CXXC5: variants seen among roughly 807,000 people sequenced by gnomAD.
CXXC5 encodes the protein CXXC finger protein 5, also known as CXXC-type zinc finger protein 5.
CXXC5 carries 2 observed loss-of-function variants against 17.6 expected under a neutral mutation model. The ratio of observed to expected loss-of-function variants is 0.11; its 90% CI spans 0.05 to 0.36. The LOEUF (loss-of-function observed/expected upper bound fraction) is 0.36. Ranked by LOEUF, CXXC5 falls within the 10% of genes least tolerant of loss-of-function variation. The probability of loss-of-function intolerance (pLI) is 1.00; values close to 1 mark genes in which losing one functional copy is unlikely to be tolerated. For synonymous variants in CXXC5, 171 were observed against 193.0 expected (o/e 0.89, Z 0.94); for missense variants, 343 against 458.3 (o/e 0.75, Z 2.30).
At chr5:139,664,022 T>C (rs1217141594) in intron 1 of CXXC5, among the ~76,000 whole-genome samples, 1 of 152,166 alleles carries the variant, frequency 6.6e-6, no homozygotes, top group Non-Finnish European at 1.5e-5. Flanking sequence ...GGGGCTCCCC[T>C]CGCCCCATTA....
At position 139,683,178 on chromosome 5, in the gene CXXC5, G is replaced by A. The variant is rs759810400; in HGVS notation, c.*271G>A. ...GGTAAAGACGAATCTATAAAGTACCGAGACTTCCTGGGCAAAGAATGGACA... is the reference window on the plus strand; with the variant it reads ...GGTAAAGACGAATCTATAAAGTACCAAGACTTCCTGGGCAAAGAATGGACA... On this transcript the variant is annotated 3_prime_UTR_variant, in exon 3 of 3. Coordinates refer to ENST00000302517, the MANE Select transcript of CXXC5 (RefSeq NM_016463.9). 3.1e-5 allele frequency: 10 copies of A among 323,332 alleles called. No homozygotes were observed. Among genetic ancestry groups the A allele is most frequent in the East Asian group, 5.0e-5 (1 of 19,966 alleles). The allele number at this position is 323,332 out of a possible 1,614,324, so 20.0% of individuals were successfully genotyped here.
chr5:139,681,312 C>T lies in CXXC5; in HGVS notation c.789C>T (p.Cys263=), dbSNP rs765017700. Reference sequence around the variant, plus strand: ...CCGGCAAGAAGAAGCGGAAACGCTGCGGCATGTGCGCGCCCTGCCGGCGGC... The same window carrying T: ...CCGGCAAGAAGAAGCGGAAACGCTGTGGCATGTGCGCGCCCTGCCGGCGGC... The part of the protein sequence containing the change: ...ISSGKKKRKR[C]GMCAPCRRRI... The change falls in exon 2 of 3, where the codon TGC becomes TGT. Residue 263 remains cysteine, a synonymous_variant. Transcript: ENST00000302517. 14 of 1,612,656 alleles carry T rather than the reference C, an allele frequency of 8.7e-6. No homozygotes were observed. The East Asian group carries it at 8.9e-5, about 10-fold the overall frequency.
At chr5:139,655,050 T>C (rs1241815083) in intron 1 of CXXC5, among the ~76,000 whole-genome samples, 1 of 152,136 alleles carries the variant, frequency 6.6e-6, no homozygotes, top group Non-Finnish European at 1.5e-5. Context: ...GGAGGTGCCG[T>C]GGCAGCGGCT....
At chr5:139,682,109 G>GCTA (rs1757269656) in intron 2 of CXXC5, among the ~76,000 whole-genome samples, 1 of 152,162 alleles carries the variant, frequency 6.6e-6, no homozygotes, top group Non-Finnish European at 1.5e-5. Context: ...TTCCCATGCT[G>GCTA]CTATCTCTGC....
rs142225391 is a variant in CXXC5 at position 139,682,548 on chromosome 5, G to A, written c.925-315G>A. ...GCACACCCGTCGCACGTGCTCACACGCTCATTTACAGAAACATGCCACAGC... is the reference window on the plus strand; with the variant it reads ...GCACACCCGTCGCACGTGCTCACACACTCATTTACAGAAACATGCCACAGC... On this transcript the variant is annotated intron_variant, in intron 2 of 2. Coordinates refer to ENST00000302517, the MANE Select transcript of CXXC5 (RefSeq NM_016463.9). 5.6e-3 allele frequency among the ~76,000 whole-genome samples: 849 copies of A among 152,282 alleles called. 5 individuals carry two copies. The highest frequency in any genetic ancestry group is 0.027 in the Middle Eastern group (8 of 294).
chr5:139,678,686 G>C (rs1026679965), intron 1 of CXXC5, among the ~76,000 whole-genome samples: 9 of 152,314 alleles, frequency 5.9e-5, no homozygotes, highest in Non-Finnish European at 1.2e-4. Flanking sequence ...CAGAGGGTTG[G>C]ACTAGATGCT....
Position 139,663,706 on chromosome 5 carries a change from A to C in CXXC5, c.-161+14861A>C, listed in dbSNP as rs1237200933. Among the ~76,000 whole-genome samples, 1 of 152,180 alleles carries C rather than the reference A, an allele frequency of 6.6e-6. No individual in the cohort carries two copies. Among genetic ancestry groups the C allele is most frequent in the East Asian group, 1.9e-4 (1 of 5,196 alleles). ...TGGGTTACCCAACACGCCTGGCCTG[A>C]CTTGTCCGTGACGTTCACACTTATG... is the stretch of plus-strand genomic sequence containing the variant. On this transcript the variant is annotated intron_variant, in intron 1 of 2. Transcript: ENST00000302517. This position sits in a 1 kb window ranked among gnomAD's most constrained non-coding sequence, Gnocchi z 4.2.
At chr5:139,656,643 C>G (rs1349567159) in intron 1 of CXXC5, among the ~76,000 whole-genome samples, 1 of 152,232 alleles carries the variant, frequency 6.6e-6, no homozygotes, top group Non-Finnish European at 1.5e-5. Context: ...CCCCCAGTGC[C>G]TGGCACCAAA....
rs1192830324 is a variant in CXXC5 at position 139,661,316 on chromosome 5, A to G, written c.-161+12471A>G. On this transcript the variant is annotated intron_variant, in intron 1 of 2. Transcript: ENST00000302517. This position sits in a 1 kb window ranked among gnomAD's most constrained non-coding sequence, Gnocchi z 4.7. ...CGAGAGGCCCTGCGGCCTGGCAGTT[A>G]GAGTGCACACTCACGCACCCCACAC... Among the ~76,000 whole-genome samples the G allele has an allele frequency of 6.6e-6, 1 of 152,126 alleles. No homozygotes were observed. The highest frequency in any genetic ancestry group is 2.4e-5 in the African/African-American group (1 of 41,430).
chr5:139,651,557 A>G (rs1373816436), intron 1 of CXXC5, among the ~76,000 whole-genome samples: 5 of 152,172 alleles, frequency 3.3e-5, no homozygotes, highest in Admixed American at 2.0e-4. Flanking sequence ...ACTGAGACCC[A>G]TAGGAGTGTG....
intron 1 of CXXC5, among the ~76,000 whole-genome samples, chr5:139,679,239 G>A (rs931527538): frequency 6.6e-6 from 1 of 152,170 alleles, no homozygotes; most frequent in Non-Finnish European, 1.5e-5. Flanking sequence ...GCCCACCACC[G>A]CCCCCAATCT....
At chr5:139,650,162 T>C (rs1755088267) in intron 1 of CXXC5, among the ~76,000 whole-genome samples, 1 of 152,128 alleles carries the variant, frequency 6.6e-6, no homozygotes, top group African/African-American at 2.4e-5. Flanking sequence ...ACCAGTAAAT[T>C]TGGGGGGTTC....
At chr5:139,651,374 GGGCTA>G (rs1432363932) in intron 1 of CXXC5, among the ~76,000 whole-genome samples, 1 of 151,866 alleles carries the variant, frequency 6.6e-6, no homozygotes, top group Non-Finnish European at 1.5e-5. Context: ...CCACCCAGCT[GGGCTA>G]GGCTGGGCTG....
intron 1 of CXXC5, among the ~76,000 whole-genome samples, chr5:139,672,713 G>T (rs766551137): frequency 2.2e-4 from 34 of 152,148 alleles, no homozygotes; most frequent in Non-Finnish European, 3.5e-4. Context: ...GACTTCTGCA[G>T]TAGTTTGGGG....
intron 1 of CXXC5, among the ~76,000 whole-genome samples, chr5:139,659,904 G>A (rs1426048483): frequency 6.6e-6 from 1 of 152,232 alleles, no homozygotes; most frequent in East Asian, 1.9e-4. Context: ...AAAGCCCCCC[G>A]GGAAGGCAGG....
chr5:139,682,825 T>G (rs1229312929), intron 2 of CXXC5, 38 bp from the exon 3 acceptor site: 7 of 1,571,042 alleles, frequency 4.5e-6, no homozygotes, highest in Non-Finnish European at 6.1e-6. Context: ...GGACCCTGAC[T>G]GAACTCTCTC....
chr5:139,681,009 G>A lies in CXXC5; in HGVS notation c.486G>A (p.Leu162=), dbSNP rs746071745. The A allele has an allele frequency of 1.2e-5, 19 of 1,605,852 alleles. No individual in the cohort carries two copies. The African/African-American group carries it at 2.4e-4, about 20-fold the overall frequency. ...TGGCAGCCGAGGGACAGCTGACGCT[G>A]CAGCAGTTTGCGCAGTCCACAGAGA... The part of the protein sequence containing the change: ...TELAAEGQLT[L]QQFAQSTEML... The change falls in exon 2 of 3, where the codon CTG becomes CTA. Residue 162 remains leucine, a synonymous_variant. Transcript: ENST00000302517.
At chr5:139,653,624 C>T (rs1206041539) in intron 1 of CXXC5, among the ~76,000 whole-genome samples, 1 of 152,138 alleles carries the variant, frequency 6.6e-6, no homozygotes, top group African/African-American at 2.4e-5. Context: ...GCAGTCTGGT[C>T]CCAACCTTTC....
Position 139,661,276 on chromosome 5 carries a change from C to T in CXXC5, c.-161+12431C>T, listed in dbSNP as rs1316284320. On this transcript the variant is annotated intron_variant, in intron 1 of 2. Coordinates refer to ENST00000302517, the MANE Select transcript of CXXC5 (RefSeq NM_016463.9). The surrounding 1 kb of genome is among the most constrained non-coding windows in gnomAD (Gnocchi z 4.7). ...TTAGCTCAGGAGACGTGAGTCACCC[C>T]ATCCCCAGCAGCCCCGAGAGGCCCT... Among the ~76,000 whole-genome samples, 1 of 152,196 alleles carries T rather than the reference C, an allele frequency of 6.6e-6. No homozygotes were observed. Among genetic ancestry groups the T allele is most frequent in the Non-Finnish European group, 1.5e-5 (1 of 68,034 alleles).
Sources: allele counts gnomAD v4.1 joint callset (sites outside exome capture counted in the v4.1 genomes callset), GRCh38; gene constraint gnomAD v4.1.1; non-coding constraint Gnocchi (gnomAD v3.1); transcripts MANE v1.5; gene names NCBI Gene and HGNC (gene_info 2026-07-23, HGNC 2026-07-21).